Variants in NAV1 observed in about 807,000 individuals in gnomAD.
The protein encoded by NAV1 is pore membrane and/or filament interacting like protein 3.
NAV1 carries 18 observed loss-of-function variants against 175.2 expected under a neutral mutation model. The observed-to-expected ratio is 0.10, with a 90% confidence interval of 0.07 to 0.15. NAV1 has a LOEUF of 0.15. Ranked by LOEUF, NAV1 falls within the 10% of genes least tolerant of loss-of-function variation. The pLI, the probability that NAV1 is intolerant of heterozygous loss-of-function variation, is 1.00. For missense variants in NAV1, 1,731 were observed against 2,436.6 expected, an observed-to-expected ratio of 0.71 and a Z score of 6.10; for synonymous variants, 897 against 978.7, an observed-to-expected ratio of 0.92 and a Z score of 1.56.
intron 15 of NAV1, chr1:201,796,430 C>T (rs1677455847): frequency 6.6e-6 from 1 of 152,296 alleles, no homozygotes; most frequent in Non-Finnish European, 1.5e-5. Context: ...TCAAGTAATT[C>T]TCCTGCCTCA....
At chr1:201,623,648 T>A (rs932938666) in intron 1 of NAV1, 42 bp downstream of exon 3, 69 of 986,054 alleles carry the variant, frequency 7.0e-5, no homozygotes, top group Non-Finnish European at 8.2e-5. Flanking sequence ...GGAAGAGCCA[T>A]GCTGGGACCA....
chr1:201,662,566 C>T (rs1669654777), intron 1 of NAV1, among the ~76,000 whole-genome samples: 4 of 152,308 alleles, frequency 2.6e-5, no homozygotes, highest in South Asian at 4.1e-4. Flanking sequence ...GCTGGCTGTC[C>T]GTAGCCCTCT....
At chr1:201,730,735 A>G in intron 3 of NAV1, among the ~76,000 whole-genome samples, 1 of 152,244 alleles carries the variant, frequency 6.6e-6, no homozygotes, top group East Asian at 1.9e-4. Context: ...GTCCAAGGGC[A>G]GAAGGAGCAA....
chr1:201,736,201 T>C (rs1558110550), intron 3 of NAV1, among the ~76,000 whole-genome samples: 2 of 152,132 alleles, frequency 1.3e-5, no homozygotes, highest in African/African-American at 2.4e-5. Context: ...CGAGAAGACA[T>C]GAGGGCAGGT....
At chr1:201,642,525 T>TCTTTCTTTCTTTCTTTCTTTCTTTC (rs1553247054) in intron 2 of NAV1, among the ~76,000 whole-genome samples, 4 of 100,412 alleles carry the variant, frequency 4.0e-5, no homozygotes, top group African/African-American at 1.3e-4. Flanking sequence ...TTCTTTCTTT[T>TCTTTCTTTCTTTCTTTCTTTCTTTC]TTTCTTTCTT....
intron 1 of NAV1, among the ~76,000 whole-genome samples, chr1:201,549,103 C>G (rs566251578): frequency 3.4e-5 from 5 of 147,944 alleles, no homozygotes; most frequent in Admixed American, 1.4e-4. Flanking sequence ...TTCTTTCTTT[C>G]TTTCTTTCTT....
chr1:201,723,325 A>T (rs777515066), intron 3 of NAV1: 1 of 152,262 alleles, frequency 6.6e-6, no homozygotes, highest in Admixed American at 6.5e-5. Context: ...TATGCTAGAT[A>T]TGAACCTTTT....
intron 28 of NAV1, among the ~76,000 whole-genome samples, chr1:201,815,521 T>G: frequency 6.6e-6 from 1 of 152,130 alleles, no homozygotes; most frequent in Non-Finnish European, 1.5e-5. Flanking sequence ...ACATAGAATC[T>G]AATGAAGTCA....
At chr1:201,592,509 G>A (rs73084510) in intron 2 of NAV1, among the ~76,000 whole-genome samples, 4,797 of 152,264 alleles carry the variant, frequency 0.032, 246 homozygotes, top group African/African-American at 0.11. Flanking sequence ...AGGGTTTCCC[G>A]ACTTCCAGGC....
chr1:201,768,027 A>G (rs1675319124), intron 3 of NAV1, among the ~76,000 whole-genome samples: 1 of 152,110 alleles, frequency 6.6e-6, no homozygotes, highest in South Asian at 2.1e-4. Flanking sequence ...GTCTCTCCCT[A>G]TTAAGAGTTT....
intron 2 of NAV1, among the ~76,000 whole-genome samples, chr1:201,596,879 G>T (rs564248849): frequency 4.1e-4 from 63 of 152,246 alleles, no homozygotes; most frequent in African/African-American, 1.3e-3. Context: ...AGGCTGGAGT[G>T]CAATGGCGAA....
intron 1 of NAV1, among the ~76,000 whole-genome samples, chr1:201,687,062 A>T (rs1670712619): frequency 6.6e-6 from 1 of 152,226 alleles, no homozygotes; most frequent in Admixed American, 6.5e-5. Flanking sequence ...TTCTCCCTTC[A>T]GAAGTCTTTA....
At chr1:201,764,681 C>A (rs991735816) in intron 3 of NAV1, among the ~76,000 whole-genome samples, 6 of 152,088 alleles carry the variant, frequency 3.9e-5, no homozygotes, top group African/African-American at 1.4e-4. Context: ...ATGCCAGAAT[C>A]AAGAAAGCAA....
intron 3 of NAV1, among the ~76,000 whole-genome samples, chr1:201,761,794 G>A (rs536399741): frequency 7.9e-5 from 12 of 152,240 alleles, no homozygotes; most frequent in African/African-American, 2.6e-4. Flanking sequence ...CAAGCAGTAC[G>A]AATGCTTCTT....
rs143256923 is a variant in NAV1 at position 201,588,716 on chromosome 1, A to G, written c.-33+67A>G. Among the ~76,000 whole-genome samples, 877 of 152,252 alleles carry G rather than the reference A, an allele frequency of 5.8e-3. 4 individuals carry two copies. The highest frequency in any genetic ancestry group is 0.011 in the South Asian group (52 of 4,816). On this transcript the variant is annotated intron_variant, in intron 2 of 33. Transcript: ENST00000685211. ...GGGGTTGGTAGGGCTGGGGACAGGA[A>G]AAATAGGGAGTGACAACTATTAGTT...
chr1:201,580,941 G>A (rs1478408291), intron 1 of NAV1, among the ~76,000 whole-genome samples: 1 of 152,080 alleles, frequency 6.6e-6, no homozygotes, highest in Admixed American at 6.6e-5. Context: ...ATGGTAAAGG[G>A]CATCCCACCA....
chr1:201,739,668 C>G, intron 3 of NAV1: 2 of 569,174 alleles, frequency 3.5e-6, no homozygotes, highest in Non-Finnish European at 4.6e-6. Flanking sequence ...GTCGAGCCCC[C>G]AGCCCCGTCG....
exon 1 of NAV1, chr1:201,623,029 A>G (rs1668221988): frequency 6.1e-6 from 6 of 985,978 alleles, no homozygotes; most frequent in Non-Finnish European, 7.2e-6. Context: ...CCTGGCCCTG[A>G]GCCCACAGAG....
chr1:201,540,546 G>C (rs1320284642), intron 1 of NAV1, among the ~76,000 whole-genome samples: 6 of 152,206 alleles, frequency 3.9e-5, no homozygotes, highest in Admixed American at 3.9e-4. Flanking sequence ...CCCAGGAGGA[G>C]GATCTGACGA....
Sources: gnomAD v4.1 joint callset for allele counts (sites outside exome capture counted in the v4.1 genomes callset) on GRCh38, gnomAD v4.1.1 for gene constraint, MANE v1.5 for transcripts, NCBI Gene and HGNC (gene_info 2026-07-23, HGNC 2026-07-21) for gene names.